The following SPIDR variants were observed in gnomAD, a reference collection of about 807,000 sequenced individuals.
The protein encoded by SPIDR is DNA repair-scaffolding protein.
A neutral mutation model predicts 104.6 loss-of-function variants in SPIDR; 93 were observed. That is an observed-to-expected ratio of 0.89 (90% CI 0.75 to 1.06). SPIDR has a LOEUF of 1.06. Ranked by LOEUF, SPIDR falls within the 50% of genes least tolerant of loss-of-function variation. SPIDR has a pLI of 0.00. For synonymous variants in SPIDR, 431 were observed against 416.9 expected (o/e 1.03, Z -0.41); for missense variants, 1,154 against 1,111.2 (o/e 1.04, Z -0.55).
chr8:47,530,155 CAA>C (rs1564242821), intron 8 of SPIDR, among the ~76,000 whole-genome samples: 1 of 152,120 alleles, frequency 6.6e-6, no homozygotes, highest in Non-Finnish European at 1.5e-5. Flanking sequence ...AACATTGTAA[CAA>C]AATGATAAAT....
intron 5 of SPIDR, among the ~76,000 whole-genome samples, chr8:47,311,289 G>A (rs1554584874): frequency 6.6e-6 from 1 of 152,154 alleles, no homozygotes; most frequent in Non-Finnish European, 1.5e-5. Context: ...TTCAAAAAAT[G>A]AAGCTAGCCT....
intron 6 of SPIDR, among the ~76,000 whole-genome samples, chr8:47,404,250 G>T (rs2062372867): frequency 6.6e-6 from 1 of 152,176 alleles, no homozygotes; most frequent in African/African-American, 2.4e-5. Context: ...AAAAACCCTA[G>T]AAGAAAACCT....
chr8:47,696,865 GT>G (rs1008618314), intron 11 of SPIDR, among the ~76,000 whole-genome samples: 7 of 152,248 alleles, frequency 4.6e-5, no homozygotes, highest in Non-Finnish European at 1.0e-4. Flanking sequence ...GGTGGACAGT[GT>G]CCTTTCTATC....
At chr8:47,407,278 T>A (rs558823984) in intron 6 of SPIDR, among the ~76,000 whole-genome samples, 1 of 152,258 alleles carries the variant, frequency 6.6e-6, no homozygotes, top group Non-Finnish European at 1.5e-5. Context: ...GCTGTGTGTT[T>A]GTGATTGATA....
At chr8:47,453,214 G>T (rs1405376614) in intron 8 of SPIDR, among the ~76,000 whole-genome samples, 1 of 152,114 alleles carries the variant, frequency 6.6e-6, no homozygotes, top group Non-Finnish European at 1.5e-5. Context: ...AATAAAAGAG[G>T]ATACAGACAA....
rs2035662915 is a variant in SPIDR at position 47,273,080 on chromosome 8, A to C, written c.34-6782A>C. On this transcript the variant is annotated intron_variant, in intron 1 of 19. Coordinates refer to ENST00000297423, the MANE Select transcript of SPIDR (RefSeq NM_001080394.4). ...GACACCAAGCATCCAGTAGACACCA[A>C]GTGGGTATCCTATAATTTAATCCAA... 2.6e-5 allele frequency among the ~76,000 whole-genome samples: 4 copies of C among 152,278 alleles called. No individual in the cohort carries two copies. In the South Asian group the frequency reaches 8.3e-4, roughly 32 times the overall value.
chr8:47,329,103 C>T (rs1417774433), intron 5 of SPIDR, among the ~76,000 whole-genome samples: 1 of 150,234 alleles, frequency 6.7e-6, no homozygotes, highest in African/African-American at 2.5e-5. Context: ...TGGAGTCTCA[C>T]TCTGTCGCCC....
At chr8:47,587,504 G>A (rs2060377369) in intron 8 of SPIDR, among the ~76,000 whole-genome samples, 1 of 151,752 alleles carries the variant, frequency 6.6e-6, no homozygotes, top group African/African-American at 2.4e-5. Context: ...TACCCGAGAG[G>A]CTGAGGTAGG....
intron 8 of SPIDR, among the ~76,000 whole-genome samples, chr8:47,486,330 C>T (rs974048267): frequency 2.2e-4 from 34 of 152,194 alleles, no homozygotes; most frequent in African/African-American, 7.5e-4. Context: ...GCAAACAAAG[C>T]CTCCAAGAAA....
chr8:47,726,100 A>G (rs2084195938), intron 16 of SPIDR, among the ~76,000 whole-genome samples: 1 of 152,230 alleles, frequency 6.6e-6, no homozygotes, highest in Non-Finnish European at 1.5e-5. Flanking sequence ...GAATTAGTCA[A>G]CACTGCTTTC....
chr8:47,410,017 G>T (rs966024514), intron 7 of SPIDR, among the ~76,000 whole-genome samples: 34 of 152,098 alleles, frequency 2.2e-4, no homozygotes, highest in African/African-American at 8.0e-4. Context: ...GACACAGCAA[G>T]ACCCTGTCTC....
In SPIDR at chr8:47,463,112, A is replaced by C. The variant is rs545095308; in HGVS notation, c.1097+22570A>C. 2.8e-3 allele frequency among the ~76,000 whole-genome samples: 420 copies of C among 152,228 alleles called. 1 individual carries two copies. Among genetic ancestry groups the C allele is most frequent in the African/African-American group, 9.9e-3 (410 of 41,534 alleles). On this transcript the variant is annotated intron_variant, in intron 8 of 19. Coordinates refer to ENST00000297423, the MANE Select transcript of SPIDR (RefSeq NM_001080394.4). ...GGTGACTCACGCCTGTAATCCCAGC[A>C]CTTTGGGAGGCTGAGGCAAGCGGAT...
intron 5 of SPIDR, among the ~76,000 whole-genome samples, chr8:47,377,838 G>A (rs2058845578): frequency 6.6e-6 from 1 of 152,140 alleles, no homozygotes; most frequent in Non-Finnish European, 1.5e-5. Flanking sequence ...TCATTCCCAA[G>A]CTCTCCATAA....
chr8:47,650,769 T>C (rs1480688163), intron 10 of SPIDR, among the ~76,000 whole-genome samples: 1 of 152,114 alleles, frequency 6.6e-6, no homozygotes. Flanking sequence ...CACAGACCAC[T>C]GGAAAAGAAT....
At chr8:47,418,139 T>G (rs2064713722) in intron 7 of SPIDR, among the ~76,000 whole-genome samples, 1 of 152,074 alleles carries the variant, frequency 6.6e-6, no homozygotes, top group Admixed American at 6.6e-5. Context: ...CTTTAAAGTA[T>G]TTTTTTCCAA....
intron 3 of SPIDR, among the ~76,000 whole-genome samples, chr8:47,285,144 CTTGA>C (rs1370903361): frequency 6.6e-6 from 1 of 152,214 alleles, no homozygotes; most frequent in Non-Finnish European, 1.5e-5. Context: ...TCAGTAGGTA[CTTGA>C]TTGATGACAG....
chr8:47,326,862 G>C (rs912476357), intron 5 of SPIDR, among the ~76,000 whole-genome samples: 9 of 152,162 alleles, frequency 5.9e-5, no homozygotes, highest in African/African-American at 2.2e-4. Context: ...CCACTGATGT[G>C]TATTTATTTC....
intron 14 of SPIDR, among the ~76,000 whole-genome samples, 182 bp from the exon 15 acceptor site, chr8:47,712,480 A>C (rs1265913649): frequency 6.6e-6 from 1 of 152,234 alleles, no homozygotes. Flanking sequence ...AACCAGGTGC[A>C]AAGTCGAGGC....
intron 11 of SPIDR, among the ~76,000 whole-genome samples, chr8:47,692,377 G>A (rs914551401): frequency 2.0e-5 from 3 of 150,592 alleles, no homozygotes; most frequent in Non-Finnish European, 2.9e-5. Flanking sequence ...GGATTTGCCC[G>A]TTCTGGACGT....
Sources: gnomAD v4.1 joint callset for allele counts (sites outside exome capture counted in the v4.1 genomes callset) on GRCh38, gnomAD v4.1.1 for gene constraint, MANE v1.5 for transcripts, NCBI Gene and HGNC (gene_info 2026-07-23, HGNC 2026-07-21) for gene names.